Variants in CRISPLD2 observed in about 807,000 individuals in gnomAD.
CRISPLD2 encodes the protein cysteine rich secretory protein LCCL domain containing 2, also known as cysteine-rich secretory protein LCCL domain-containing 2.
Under a neutral mutation model 71.1 loss-of-function variants are expected in CRISPLD2, and 47 were observed. The observed-to-expected ratio is 0.66, with a 90% CI of 0.52 to 0.84. The LOEUF (loss-of-function observed/expected upper bound fraction) is 0.84. Ranked by LOEUF, CRISPLD2 falls within the 40% of genes least tolerant of loss-of-function variation. The pLI is 0.00. For missense variants in CRISPLD2, 830 were observed against 651.1 expected (o/e 1.27, Z -2.99); for synonymous variants, 317 against 250.1 (o/e 1.27, Z -2.52).
At chr16:84,845,743 C>T in intron 2 of CRISPLD2, 43 bp from the exon 3 acceptor site, 1 of 1,350,774 alleles carries the variant, frequency 7.4e-7, no homozygotes, top group South Asian at 1.2e-5. Context: ...TATGCCCCTC[C>T]CTCACCCTCA....
At chr16:84,864,208 A>T (rs1917473566) in intron 6 of CRISPLD2, among the ~76,000 whole-genome samples, 1 of 152,090 alleles carries the variant, frequency 6.6e-6, no homozygotes, top group Admixed American at 6.5e-5. Context: ...GAATTTCCCC[A>T]GGCCCGTGCT....
At chr16:84,886,902 A>G (rs2071618280) in intron 13 of CRISPLD2, among the ~76,000 whole-genome samples, 1 of 152,200 alleles carries the variant, frequency 6.6e-6, no homozygotes, top group African/African-American at 2.4e-5. Flanking sequence ...TCACGTTGTA[A>G]TGGGTTCGAC....
At position 84,873,212 on chromosome 16, in the gene CRISPLD2, C is replaced by G. The variant is rs545018422; in HGVS notation, c.1112+90C>G. ...TTTGAAAAATACCACACAGGCCGGG[C>G]GTGGTGGCTCACACCTGCACTTTGG... is the stretch of plus-strand genomic sequence containing the variant. On this transcript the variant is annotated intron_variant, in intron 10 of 14. Coordinates refer to ENST00000262424, the MANE Select transcript of CRISPLD2 (RefSeq NM_031476.4). 6.7e-6 allele frequency: 10 copies of G among 1,483,178 alleles called. No individual in the cohort carries two copies. In the African/African-American group the frequency reaches 1.4e-4, roughly 21 times the overall value. 91.9% of individuals were successfully genotyped at this position (1,483,178 alleles called of 1,614,324 possible).
Position 84,849,672 on chromosome 16 carries a change from A to C in CRISPLD2, c.492+155A>C, listed in dbSNP as rs1035500590. On this transcript the variant is annotated intron_variant, in intron 4 of 14. Transcript: ENST00000262424. Reference sequence around the variant, plus strand: ...CTATACAGAGTACAGCTGGGAGAAGAAGCTGTTTGTTACCAGCAAGGTCAG... The same window carrying C: ...CTATACAGAGTACAGCTGGGAGAAGCAGCTGTTTGTTACCAGCAAGGTCAG... Among the ~76,000 whole-genome samples, 5 of 152,242 alleles carry C rather than the reference A, an allele frequency of 3.3e-5. No individual in the cohort carries two copies. The South Asian group carries it at 1.0e-3, about 32-fold the overall frequency.
At chr16:84,845,620 T>TCTGGCCTGCCACGC (rs1427272115) in intron 2 of CRISPLD2, among the ~76,000 whole-genome samples, 166 bp from the exon 3 acceptor site, 1 of 152,178 alleles carries the variant, frequency 6.6e-6, no homozygotes, top group African/African-American at 2.4e-5. Flanking sequence ...AGCCGGCACG[T>TCTGGCCTGCCACGC]CTGGCCTGCC....
chr16:84,863,036 G>T (rs1917431198), intron 6 of CRISPLD2: 1 of 152,186 alleles, frequency 6.6e-6, no homozygotes, highest in Non-Finnish European at 1.5e-5. Flanking sequence ...CCTCCAGGGA[G>T]CCTTCCTGGA....
chr16:84,867,556 A>G (rs111640358), intron 7 of CRISPLD2, among the ~76,000 whole-genome samples: 1 of 152,152 alleles, frequency 6.6e-6, no homozygotes. Context: ...CATTGAGATC[A>G]TTGCAGAGTT....
At position 84,889,306 on chromosome 16, in the gene CRISPLD2, C is replaced by T; in HGVS notation, c.1382C>T (p.Pro461Leu). 3 of 1,614,010 alleles carry T rather than the reference C, an allele frequency of 1.9e-6. No homozygotes were observed. The highest frequency in any genetic ancestry group is 2.5e-6 in the Non-Finnish European group (3 of 1,180,000). The change falls in exon 14 of 15, where the codon CCC becomes CTC. Residue 461 changes from proline (P) to leucine (L), a missense_variant. By Grantham distance (98) the Pro-to-Leu change is moderately conservative. Transcript: ENST00000262424. ...NESGGDVDVM[P>L]VDKKKTYVGS... ...AGTGGGGGTGACGTGGACGTGATGC[C>T]CGTGGATAAAAAGAAGACCTACGTG...
At position 84,906,631 on chromosome 16, in the gene CRISPLD2, G is replaced by A. The variant is rs1303846699; in HGVS notation, c.1483G>A (p.Val495Ile). Residue 495 changes from valine to isoleucine, a missense_variant, in exon 15 of 15, where the codon GTC becomes ATC. Transcript: ENST00000262424. ...RDGKAFRIFA[V>I]RQ is the part of the protein sequence containing the mutation. The stretch of plus-strand genomic sequence containing the variant: ...TGGAAAGGCCTTCCGGATCTTTGCT[G>A]TCAGGCAGTGAATTTCCAGCACCAG... 1.9e-6 allele frequency: 3 copies of A among 1,614,052 alleles called. No individual in the cohort carries two copies. The Admixed American group carries it at 5.0e-5, about 27-fold the overall frequency.
chr16:84,903,700 A>G (rs1196829787), intron 14 of CRISPLD2, among the ~76,000 whole-genome samples: 3 of 152,028 alleles, frequency 2.0e-5, no homozygotes, highest in African/African-American at 7.2e-5. Flanking sequence ...CATGCTCCAG[A>G]GGTGAGATTT....
chr16:84,825,154 G>A (rs1344227260), intron 1 of CRISPLD2, among the ~76,000 whole-genome samples: 1 of 152,056 alleles, frequency 6.6e-6, no homozygotes, highest in Non-Finnish European at 1.5e-5. Context: ...GTAGGAAGGT[G>A]GGCAAAACTT....
At chr16:84,825,209 C>G (rs985057656) in intron 1 of CRISPLD2, among the ~76,000 whole-genome samples, 1 of 151,710 alleles carries the variant, frequency 6.6e-6, no homozygotes, top group African/African-American at 2.4e-5. Context: ...AATGCTGGAT[C>G]AAGGTCGGGG....
chr16:84,872,723 A>C (rs1450904296), intron 9 of CRISPLD2, among the ~76,000 whole-genome samples: 1 of 152,174 alleles, frequency 6.6e-6, no homozygotes, highest in Admixed American at 6.5e-5. Context: ...TCCGTCTTAG[A>C]CTGAGCATTC....
rs867822176 is a variant in CRISPLD2, at chr16:84,909,247, C to T, written c.*2605C>T. ...TTAGGAGTTTTGCCCTACCGTATTCCAAAGCGTGTGCTGGTTTCTCATATT... is the reference window on the plus strand; with the variant it reads ...TTAGGAGTTTTGCCCTACCGTATTCTAAAGCGTGTGCTGGTTTCTCATATT... On this transcript the variant is annotated 3_prime_UTR_variant, in exon 15 of 15. Coordinates refer to ENST00000262424, the MANE Select transcript of CRISPLD2 (RefSeq NM_031476.4). The T allele has an allele frequency of 2.6e-5, 4 of 152,578 alleles. No individual in the cohort carries two copies. The South Asian group carries it at 8.3e-4, about 32-fold the overall frequency. The allele number at this position is 152,578 out of a possible 1,614,324, so 9.5% of individuals were successfully genotyped here.
At chr16:84,905,759 G>T (rs2071796615) in intron 14 of CRISPLD2, among the ~76,000 whole-genome samples, 1 of 149,080 alleles carries the variant, frequency 6.7e-6, no homozygotes, top group Non-Finnish European at 1.5e-5. Flanking sequence ...CCCCAGGCTG[G>T]AGTGCAATGC....
chr16:84,871,075 A>C (rs73251510), intron 8 of CRISPLD2, among the ~76,000 whole-genome samples: 2,389 of 150,616 alleles, frequency 0.016, 63 homozygotes, highest in African/African-American at 0.056. Flanking sequence ...AAAAATGATA[A>C]ATAAATAGTT....
intron 2 of CRISPLD2, among the ~76,000 whole-genome samples, chr16:84,843,382 C>T (rs549784286): frequency 2.0e-5 from 3 of 152,340 alleles, no homozygotes; most frequent in Admixed American, 2.0e-4. Context: ...GGCTTCAAGC[C>T]ACAGTCCTTT....
At position 84,880,521 on chromosome 16, in the gene CRISPLD2, G is replaced by C. The variant is rs371283010; in HGVS notation, c.1242G>C (p.Pro414=). 7.4e-6 allele frequency: 12 copies of C among 1,613,018 alleles called. No homozygotes were observed. Among genetic ancestry groups the C allele is most frequent in the Non-Finnish European group, 9.3e-6 (11 of 1,179,442 alleles). ...TCCTGTTTTTCAGAATCCATTGTCCGGCACACTGCAAAGACGAACCTTCCT... is the reference window on the plus strand; with the variant it reads ...TCCTGTTTTTCAGAATCCATTGTCCCGCACACTGCAAAGACGAACCTTCCT... The part of the protein sequence containing the change: ...PATHCPRIHC[P]AHCKDEPSYW... The change falls in exon 13 of 15, where the codon CCG becomes CCC. Residue 414 remains proline (P), a synonymous_variant. Transcript: ENST00000262424.
intron 13 of CRISPLD2, among the ~76,000 whole-genome samples, chr16:84,886,656 C>G (rs942467455): frequency 1.3e-5 from 2 of 152,074 alleles, no homozygotes; most frequent in African/African-American, 4.8e-5. Flanking sequence ...AACCCCATCT[C>G]TAAAGAAAAT....
Sources: allele counts gnomAD v4.1 joint callset (sites outside exome capture counted in the v4.1 genomes callset), GRCh38; gene constraint gnomAD v4.1.1; transcripts MANE v1.5; gene names NCBI Gene and HGNC (gene_info 2026-07-23, HGNC 2026-07-21).